PALLD: variants seen among roughly 807,000 people sequenced by gnomAD.
The protein encoded by PALLD is palladin.
Under a neutral mutation model 123.5 loss-of-function variants are expected in PALLD, and 61 were observed. The observed-to-expected ratio is 0.49, with a 90% CI of 0.40 to 0.61. The LOEUF is 0.61. PALLD is among the 20% of genes least tolerant of loss of function. PALLD has a pLI of 0.00. For synonymous variants in PALLD, 465 were observed against 496.4 expected (o/e 0.94, Z 0.84); for missense variants, 1,273 against 1,377.0 (o/e 0.92, Z 1.20).
At chr4:168,704,351 A>G (rs993725819) in intron 8 of PALLD, among the ~76,000 whole-genome samples, 8 of 152,348 alleles carry the variant, frequency 5.3e-5, no homozygotes, top group Admixed American at 5.2e-4. Flanking sequence ...AAAGATAGAG[A>G]ACCATATACC....
chr4:168,702,377 C>G (rs1040896488), intron 8 of PALLD, among the ~76,000 whole-genome samples: 3 of 151,930 alleles, frequency 2.0e-5, no homozygotes, highest in African/African-American at 7.3e-5. Flanking sequence ...ATGGTGAAAC[C>G]CTGTCTCTAC....
chr4:168,666,159 T>G (rs1779628745), intron 2 of PALLD, among the ~76,000 whole-genome samples: 1 of 152,202 alleles, frequency 6.6e-6, no homozygotes, highest in South Asian at 2.1e-4. Context: ...GACAACATAC[T>G]AGTCACTTAG....
At chr4:168,571,735 C>T (rs1423911068) in intron 2 of PALLD, among the ~76,000 whole-genome samples, 3 of 152,164 alleles carry the variant, frequency 2.0e-5, no homozygotes, top group Non-Finnish European at 4.4e-5. Context: ...ATGCTATGAA[C>T]ATCAGCCTTC....
At chr4:168,834,916 TTGACTC>T (rs1165935545) in intron 10 of PALLD, among the ~76,000 whole-genome samples, 1 of 152,204 alleles carries the variant, frequency 6.6e-6, no homozygotes, top group Non-Finnish European at 1.5e-5. Flanking sequence ...CAGTAAACCT[TTGACTC>T]TGTTATATTT....
intron 1 of PALLD, among the ~76,000 whole-genome samples, chr4:168,503,270 C>A (rs988037774): frequency 6.6e-6 from 1 of 152,168 alleles, no homozygotes; most frequent in East Asian, 1.9e-4. Context: ...GAAGAAGAAG[C>A]AAATTATATT....
At chr4:168,871,518 A>C (rs1751068612) in intron 10 of PALLD, among the ~76,000 whole-genome samples, 1 of 152,218 alleles carries the variant, frequency 6.6e-6, no homozygotes, top group African/African-American at 2.4e-5. Context: ...TCAAAAATGT[A>C]CTTTGTCTAT....
chr4:168,605,041 T>C (rs1773032175), intron 2 of PALLD, among the ~76,000 whole-genome samples: 1 of 152,186 alleles, frequency 6.6e-6, no homozygotes, highest in African/African-American at 2.4e-5. Context: ...TCTGATACCT[T>C]CTTTGGAATA....
chr4:168,759,747 C>T (rs1428279483), intron 10 of PALLD, among the ~76,000 whole-genome samples: 2 of 152,110 alleles, frequency 1.3e-5, no homozygotes, highest in Admixed American at 1.3e-4. Context: ...AAAAGAATGC[C>T]ACTGACACTA....
intron 10 of PALLD, among the ~76,000 whole-genome samples, chr4:168,726,237 A>G (rs1050474726): frequency 1.3e-5 from 2 of 152,176 alleles, no homozygotes; most frequent in Non-Finnish European, 2.9e-5. Flanking sequence ...TTTACTAAAA[A>G]CTGTCAGAAG....
chr4:168,649,821 G>A (rs1237679522), intron 2 of PALLD, among the ~76,000 whole-genome samples: 1 of 152,176 alleles, frequency 6.6e-6, no homozygotes, highest in Non-Finnish European at 1.5e-5. Context: ...CAGCATAAAT[G>A]GGGTATTCTA....
chr4:168,640,405 CT>C (rs1171170971), intron 2 of PALLD, among the ~76,000 whole-genome samples: 1 of 152,202 alleles, frequency 6.6e-6, no homozygotes, highest in African/African-American at 2.4e-5. Flanking sequence ...GAATTCACCC[CT>C]GAGACTTCTG....
chr4:168,536,583 T>G (rs746658392), intron 2 of PALLD: 3 of 150,312 alleles, frequency 2.0e-5, no homozygotes, highest in Non-Finnish European at 2.9e-5. Context: ...GCAAGACACC[T>G]TCCACACAAC....
intron 2 of PALLD, among the ~76,000 whole-genome samples, chr4:168,551,601 T>C (rs998954627): frequency 6.6e-6 from 1 of 152,140 alleles, no homozygotes; most frequent in African/African-American, 2.4e-5. Flanking sequence ...GGTACATATA[T>C]TAAGACTTTC....
chr4:168,825,859 A>G (rs1050350167), intron 10 of PALLD, among the ~76,000 whole-genome samples: 15 of 152,214 alleles, frequency 9.9e-5, no homozygotes, highest in African/African-American at 3.6e-4. Flanking sequence ...TAATATTAAT[A>G]GTATTAAAAG....
chr4:168,689,432 C>CTTTTTTTTTTTT lies in PALLD; in HGVS notation c.1336-1149_1336-1138dup, dbSNP rs70961551. ...TACACCTTACATTCGATCCAATATTCTTTTTTTTTTTTTTTTTTTTTTTTT... is the reference window on the plus strand; with the variant it reads ...TACACCTTACATTCGATCCAATATTCTTTTTTTTTTTTTTTTTTTTTTTTTTTTTTTTTTTTT... On this transcript the variant is annotated intron_variant, in intron 6 of 21. Coordinates refer to ENST00000505667, the MANE Select transcript of PALLD (RefSeq NM_001166108.2). Among the ~76,000 whole-genome samples, 10 of 49,862 alleles carry CTTTTTTTTTTTT rather than the reference C, an allele frequency of 2.0e-4. 1 individual carries two copies. Among genetic ancestry groups the CTTTTTTTTTTTT allele is most frequent in the Admixed American group, 7.0e-4 (2 of 2,866 alleles). The allele number at this position is 49,862 out of a possible 152,430, so 32.7% of individuals were successfully genotyped here. A position where few individuals can be genotyped will look rare whatever the true frequency, so the allele number is the denominator to read the frequency against.
At chr4:168,634,556 C>T (rs1416604926) in intron 2 of PALLD, among the ~76,000 whole-genome samples, 1 of 152,202 alleles carries the variant, frequency 6.6e-6, no homozygotes, top group Admixed American at 6.5e-5. Context: ...AGCGCAGAAC[C>T]TTTTCAAAGC....
At chr4:168,906,290 A>G (rs530388635) in intron 15 of PALLD, among the ~76,000 whole-genome samples, 1 of 152,368 alleles carries the variant, frequency 6.6e-6, no homozygotes, top group Admixed American at 6.5e-5. Context: ...ATAGAACAAA[A>G]GAACATAAAC....
At chr4:168,804,925 C>T (rs558379270) in intron 10 of PALLD, among the ~76,000 whole-genome samples, 2 of 152,118 alleles carry the variant, frequency 1.3e-5, no homozygotes, top group South Asian at 4.2e-4. Flanking sequence ...GTTTGGGAGG[C>T]CAAGGCGGGC....
intron 2 of PALLD, among the ~76,000 whole-genome samples, chr4:168,637,815 G>C (rs3109800): frequency 0.19 from 28,784 of 151,814 alleles, 3,477 homozygotes; most frequent in African/African-American, 0.35. Context: ...ATGGTGGTGA[G>C]TACCGGTAAT....
Sources: gnomAD v4.1 joint callset for allele counts (sites outside exome capture counted in the v4.1 genomes callset) on GRCh38, gnomAD v4.1.1 for gene constraint, MANE v1.5 for transcripts, NCBI Gene and HGNC (gene_info 2026-07-23, HGNC 2026-07-21) for gene names.